ZFP1: variants seen among roughly 807,000 people sequenced by gnomAD.
ZFP1 encodes ZFP1 zinc finger protein.
ZFP1 carries 32 observed loss-of-function variants against 38.5 expected under a neutral mutation model. The observed-to-expected ratio is 0.83, with a 90% CI of 0.63 to 1.12. The LOEUF is 1.12. Among genes scored for constraint, ZFP1 ranks in the 50% most tolerant of loss-of-function variants. ZFP1 has a pLI of 0.00. For synonymous variants in ZFP1, 245 were observed against 168.8 expected, an observed-to-expected ratio of 1.45 and a Z score of -3.50; for missense variants, 616 against 480.8, an observed-to-expected ratio of 1.28 and a Z score of -2.63.
the ZFP1 span, among the ~76,000 whole-genome samples, chr16:75,138,800 G>T: frequency 6.6e-6 from 1 of 152,186 alleles, no homozygotes; most frequent in Admixed American, 6.6e-5. Flanking sequence ...GCAGCAGCAG[G>T]ACCTTGCCGA....
intron 2 of ZFP1, among the ~76,000 whole-genome samples, chr16:75,166,003 T>A (rs1267727128): frequency 1.3e-5 from 2 of 152,136 alleles, no homozygotes; most frequent in Non-Finnish European, 2.9e-5. Context: ...CATGTATTTT[T>A]TAAAAAAATT....
At chr16:75,150,209 CTTTTT>C (rs35346527) in intron 1 of ZFP1, among the ~76,000 whole-genome samples, 2 of 100,226 alleles carry the variant, frequency 2.0e-5, no homozygotes, top group Non-Finnish European at 2.1e-5. Flanking sequence ...TTTTCCAGAT[CTTTTT>C]TTTTTTTTTT....
At chr16:75,121,272 C>T in the ZFP1 span, among the ~76,000 whole-genome samples, 2 of 151,124 alleles carry the variant, frequency 1.3e-5, no homozygotes, top group Non-Finnish European at 2.9e-5. Flanking sequence ...ACTACAGGCG[C>T]CCACCACCAC....
chr16:75,121,603 A>G, the ZFP1 span, among the ~76,000 whole-genome samples: 1 of 152,214 alleles, frequency 6.6e-6, no homozygotes, highest in Non-Finnish European at 1.5e-5. Flanking sequence ...GTTGTGAAGC[A>G]GGTTATCAAT....
the ZFP1 span, among the ~76,000 whole-genome samples, chr16:75,129,941 C>T: frequency 6.6e-6 from 1 of 152,092 alleles, no homozygotes; most frequent in Non-Finnish European, 1.5e-5. Context: ...TGGAAGAGGG[C>T]CAAGAGGGCA....
the ZFP1 span, among the ~76,000 whole-genome samples, chr16:75,139,845 A>G: frequency 2.0e-5 from 3 of 152,238 alleles, no homozygotes; most frequent in African/African-American, 7.2e-5. Context: ...TACAAGATGA[A>G]AAGAGTTCCA....
At chr16:75,149,484 C>T (rs73617624) in intron 1 of ZFP1, among the ~76,000 whole-genome samples, 13,814 of 151,848 alleles carry the variant, frequency 0.091, 1,177 homozygotes, top group African/African-American at 0.22. Context: ...AACGAGGGAC[C>T]TCATGTAAAA....
chr16:75,130,193 G>T, the ZFP1 span, among the ~76,000 whole-genome samples: 1 of 152,034 alleles, frequency 6.6e-6, no homozygotes, highest in Non-Finnish European at 1.5e-5. Flanking sequence ...TAGAGATGGG[G>T]TTTCACCATG....
chr16:75,130,014 T>A, the ZFP1 span, among the ~76,000 whole-genome samples: 1 of 152,118 alleles, frequency 6.6e-6, no homozygotes, highest in Non-Finnish European at 1.5e-5. Context: ...TTTGTTTTTT[T>A]TCAGACAGAG....
the ZFP1 span, among the ~76,000 whole-genome samples, chr16:75,142,812 C>G: frequency 6.6e-6 from 1 of 152,142 alleles, no homozygotes; most frequent in Non-Finnish European, 1.5e-5. Flanking sequence ...AGTGATTCTC[C>G]TGCCTCAGCC....
chr16:75,171,710 A>T lies in ZFP1; in HGVS notation c.*1376A>T, dbSNP rs1343911168. 1.3e-5 allele frequency: 2 copies of T among 152,202 alleles called. No homozygotes were observed. Among genetic ancestry groups the T allele is most frequent in the African/African-American group, 4.8e-5 (2 of 41,460 alleles). 9.4% of individuals were successfully genotyped at this position (152,202 alleles called of 1,614,324 possible). On this transcript the variant is annotated 3_prime_UTR_variant, in exon 4 of 4. Coordinates refer to ENST00000570010, the MANE Select transcript of ZFP1 (RefSeq NM_153688.4). ...ACTGGCTTTTAAAAAATATTTTTGG[A>T]TATCATTGATGTGCTGTCACACTAT... is the stretch of plus-strand genomic sequence containing the variant.
At chr16:75,130,371 A>T in the ZFP1 span, among the ~76,000 whole-genome samples, 1 of 151,920 alleles carries the variant, frequency 6.6e-6, no homozygotes, top group South Asian at 2.1e-4. Context: ...TCTTTTTTTG[A>T]GGTGGGTTGT....
At chr16:75,154,457 C>T (rs1412048826) in intron 2 of ZFP1, among the ~76,000 whole-genome samples, 1 of 151,912 alleles carries the variant, frequency 6.6e-6, no homozygotes, top group Non-Finnish European at 1.5e-5. Context: ...GGATAAATAC[C>T]AAGGCCCCTG....
intron 3 of ZFP1, among the ~76,000 whole-genome samples, chr16:75,167,554 A>AT (rs1442508244): frequency 1.3e-5 from 2 of 152,042 alleles, no homozygotes; most frequent in Admixed American, 6.6e-5. Context: ...TGTCTTTGCT[A>AT]TTATGCATAG....
At chr16:75,167,993 G>C (rs143410488) in intron 3 of ZFP1, among the ~76,000 whole-genome samples, 3,013 of 152,084 alleles carry the variant, frequency 0.02, 64 homozygotes, top group South Asian at 0.058. Context: ...CTCGGGAGAC[G>C]GAGGTTGCAG....
At chr16:75,148,277 G>A (rs917150605), upstream of ZFP1, among the ~76,000 whole-genome samples, 2 of 152,184 alleles carry the variant, frequency 1.3e-5, no homozygotes, top group South Asian at 2.1e-4. Context: ...AGGGGGAGGT[G>A]GTGAATTGTA....
chr16:75,154,469 A>G (rs2037370041), intron 2 of ZFP1, among the ~76,000 whole-genome samples: 1 of 152,046 alleles, frequency 6.6e-6, no homozygotes, highest in African/African-American at 2.4e-5. Context: ...AGGCCCCTGG[A>G]TCATACACTA....
intron 2 of ZFP1, among the ~76,000 whole-genome samples, chr16:75,155,073 A>T (rs966635669): frequency 2.6e-5 from 4 of 152,126 alleles, no homozygotes; most frequent in Non-Finnish European, 4.4e-5. Context: ...TGCTGATTAC[A>T]AGCGTAAGTC....
the ZFP1 span, among the ~76,000 whole-genome samples, chr16:75,131,054 A>G: frequency 1.3e-5 from 2 of 152,132 alleles, no homozygotes; most frequent in Non-Finnish European, 1.5e-5. Flanking sequence ...CCTAAGATCC[A>G]GCTTTCCTTT....
Sources: gnomAD v4.1 joint callset for allele counts (sites outside exome capture counted in the v4.1 genomes callset) on GRCh38, gnomAD v4.1.1 for gene constraint, MANE v1.5 for transcripts, NCBI Gene and HGNC (gene_info 2026-07-23, HGNC 2026-07-21) for gene names.